PLD5: variants seen among roughly 807,000 people sequenced by gnomAD.
PLD5 encodes inactive phospholipase D5.
PLD5 carries 36 observed loss-of-function variants against 61.1 expected under a neutral mutation model. The ratio of observed to expected loss-of-function variants is 0.59; its 90% CI spans 0.45 to 0.78. PLD5 has a LOEUF of 0.78. PLD5 is among the 30% of genes least tolerant of loss of function. The probability of loss-of-function intolerance (pLI) is 0.00; values close to 1 mark genes in which losing one functional copy is unlikely to be tolerated. For missense variants in PLD5, 515 were observed against 644.4 expected (o/e 0.80, Z 2.17); for synonymous variants, 243 against 242.8 (o/e 1.00, Z -0.01).
intron 1 of PLD5, among the ~76,000 whole-genome samples, chr1:242,464,739 GA>G (rs1667222708): frequency 6.6e-6 from 1 of 152,136 alleles, no homozygotes; most frequent in African/African-American, 2.4e-5. Context: ...GTCAGCAGTG[GA>G]AACAGCCCAA....
At chr1:242,107,351 G>T (rs1194463841) in intron 8 of PLD5, among the ~76,000 whole-genome samples, 2 of 152,088 alleles carry the variant, frequency 1.3e-5, no homozygotes, top group Admixed American at 1.3e-4. Flanking sequence ...AGTCAAGGCT[G>T]CAGTGAGCCG....
intron 9 of PLD5, among the ~76,000 whole-genome samples, chr1:242,096,635 C>A (rs1483503869): frequency 6.6e-6 from 1 of 151,918 alleles, no homozygotes; most frequent in East Asian, 1.9e-4. Context: ...AGCCACCATA[C>A]CCAGCCTATT....
At chr1:242,117,334 T>C (rs775353535) in intron 6 of PLD5, among the ~76,000 whole-genome samples, 15 of 152,064 alleles carry the variant, frequency 9.9e-5, no homozygotes, top group Non-Finnish European at 2.1e-4. Context: ...TCTATCAAAG[T>C]CCTACTAATT....
At chr1:242,211,810 G>A (rs959890297) in intron 5 of PLD5, among the ~76,000 whole-genome samples, 16 of 152,200 alleles carry the variant, frequency 1.1e-4, no homozygotes, top group African/African-American at 3.6e-4. Context: ...ATTCAGGCTA[G>A]GGTTTCATCA....
chr1:242,436,497 T>C (rs1015870024), intron 1 of PLD5, among the ~76,000 whole-genome samples: 3 of 152,194 alleles, frequency 2.0e-5, no homozygotes, highest in African/African-American at 7.2e-5. Flanking sequence ...AAAAAATTTA[T>C]CTTTACAACA....
intron 7 of PLD5, among the ~76,000 whole-genome samples, chr1:242,109,203 GC>G (rs1661290721): frequency 6.6e-6 from 1 of 152,226 alleles, no homozygotes; most frequent in Non-Finnish European, 1.5e-5. Flanking sequence ...AGTGGGGCCG[GC>G]ACGGTGGCTC....
chr1:242,301,436 G>A (rs2149160852), intron 2 of PLD5, among the ~76,000 whole-genome samples: 2 of 152,216 alleles, frequency 1.3e-5, no homozygotes, highest in Admixed American at 1.3e-4. Context: ...GAAGGCAATA[G>A]AGAAGAAAAC....
intron 1 of PLD5, among the ~76,000 whole-genome samples, chr1:242,402,906 A>T (rs12118421): frequency 2.6e-5 from 4 of 152,196 alleles, no homozygotes; most frequent in Non-Finnish European, 5.9e-5. Flanking sequence ...TAGAAGCTAG[A>T]AGTAATTTAC....
intron 1 of PLD5, among the ~76,000 whole-genome samples, chr1:242,503,607 C>T (rs1668625943): frequency 1.3e-5 from 2 of 152,152 alleles, no homozygotes; most frequent in South Asian, 4.2e-4. Flanking sequence ...TCCAGATGCC[C>T]TCCACCTCAC....
chr1:242,153,003 T>C (rs1665057516), intron 5 of PLD5, among the ~76,000 whole-genome samples: 1 of 152,160 alleles, frequency 6.6e-6, no homozygotes, highest in African/African-American at 2.4e-5. Flanking sequence ...TTTCTCCACA[T>C]CCTCTCCAGC....
intron 2 of PLD5, among the ~76,000 whole-genome samples, chr1:242,333,137 G>A (rs1356947169): frequency 6.6e-6 from 1 of 152,162 alleles, no homozygotes; most frequent in Non-Finnish European, 1.5e-5. Flanking sequence ...TGCTAAAAGA[G>A]GGGTTGTCAA....
chr1:242,521,868 A>G (rs4658820), intron 1 of PLD5, among the ~76,000 whole-genome samples: 23,830 of 152,188 alleles, frequency 0.16, 2,046 homozygotes, highest in Admixed American at 0.24. Flanking sequence ...GGTTTTTGAC[A>G]TCTCAAACAT....
intron 5 of PLD5, among the ~76,000 whole-genome samples, chr1:242,203,357 C>T (rs1167945517): frequency 6.6e-6 from 1 of 152,166 alleles, no homozygotes; most frequent in East Asian, 1.9e-4. Flanking sequence ...GCCTGTGAGT[C>T]TCTGCCAAAC....
chr1:242,205,394 T>C (rs1669259011), intron 5 of PLD5, among the ~76,000 whole-genome samples: 1 of 152,244 alleles, frequency 6.6e-6, no homozygotes, highest in Non-Finnish European at 1.5e-5. Context: ...CCTTTAAAAA[T>C]TGTAGAAAAT....
At chr1:242,433,758 C>T (rs930885859) in intron 1 of PLD5, among the ~76,000 whole-genome samples, 1 of 151,954 alleles carries the variant, frequency 6.6e-6, no homozygotes, top group African/African-American at 2.4e-5. Flanking sequence ...GGGAAGCTTG[C>T]TTTATGTGAG....
In PLD5 at chr1:242,207,991, T is replaced by TACACACACACACACAC. The variant is rs34110062; in HGVS notation, c.735+11981_735+11996dup. Among the ~76,000 whole-genome samples, 64 of 40,256 alleles carry TACACACACACACACAC rather than the reference T, an allele frequency of 1.6e-3. 5 individuals carry two copies. The highest frequency in any genetic ancestry group is 0.01 in the Middle Eastern group (1 of 96). 26.4% of individuals were successfully genotyped at this position (40,256 alleles called of 152,430 possible). On this transcript the variant is annotated intron_variant, in intron 5 of 9. Transcript: ENST00000536534. Reference sequence around the variant, plus strand: ...ATATATATTTTTATATATATATTTATACACACACACACACACACACACACA... The same window carrying TACACACACACACACAC: ...ATATATATTTTTATATATATATTTATACACACACACACACACACACACACACACACACACACACACA...
In PLD5 at chr1:242,256,486, C is replaced by T. The variant is rs866045287; in HGVS notation, c.607+8851G>A. ...TCACGAATGTATTGGTGTCTTGTAGCGGGGGTTGAAAGGAACAAACTTAGA... is the reference window on the plus strand; with the variant it reads ...TCACGAATGTATTGGTGTCTTGTAGTGGGGGTTGAAAGGAACAAACTTAGA... On this transcript the variant is annotated intron_variant, in intron 4 of 9. Coordinates refer to ENST00000536534, the MANE Select transcript of PLD5 (RefSeq NM_001372062.1). This position sits in a 1 kb window ranked among gnomAD's most constrained non-coding sequence, Gnocchi z 5.7. Among the ~76,000 whole-genome samples the T allele has an allele frequency of 2.6e-5, 4 of 152,022 alleles. No homozygotes were observed. Among genetic ancestry groups the T allele is most frequent in the African/African-American group, 9.7e-5 (4 of 41,390 alleles).
chr1:242,246,418 C>T (rs963889920), intron 4 of PLD5, among the ~76,000 whole-genome samples: 2 of 151,336 alleles, frequency 1.3e-5, no homozygotes, highest in African/African-American at 4.9e-5. Context: ...AAGCCAAGTA[C>T]ATATTCCCAC....
chr1:242,364,666 A>G (rs549630729), intron 1 of PLD5, among the ~76,000 whole-genome samples: 1 of 152,190 alleles, frequency 6.6e-6, no homozygotes, highest in Non-Finnish European at 1.5e-5. Flanking sequence ...CAGTGAGCCA[A>G]GATCTTGCCA....
Sources: allele counts gnomAD v4.1 joint callset (sites outside exome capture counted in the v4.1 genomes callset), GRCh38; gene constraint gnomAD v4.1.1; non-coding constraint Gnocchi (gnomAD v3.1); transcripts MANE v1.5; gene names NCBI Gene and HGNC (gene_info 2026-07-23, HGNC 2026-07-21).